Variants in HDAC9 observed in about 807,000 individuals in gnomAD.
HDAC9 encodes the protein histone deacetylase 9, also known as MEF-2 interacting transcription repressor (MITR) protein.
HDAC9 carries 41 observed loss-of-function variants against 139.4 expected under a neutral mutation model. The ratio of observed to expected loss-of-function variants is 0.29; its 90% CI spans 0.23 to 0.38. The LOEUF (loss-of-function observed/expected upper bound fraction) is 0.38. Ranked by LOEUF, HDAC9 falls within the 10% of genes least tolerant of loss-of-function variation. The pLI, the probability that HDAC9 is intolerant of heterozygous loss-of-function variation, is 1.00. For synonymous variants in HDAC9, 517 were observed against 476.2 expected, an observed-to-expected ratio of 1.09 and a Z score of -1.12; for missense variants, 1,147 against 1,297.0, an observed-to-expected ratio of 0.88 and a Z score of 1.78.
chr7:18,284,295 T>G (rs1249756426), intron 2 of HDAC9, among the ~76,000 whole-genome samples: 1 of 152,168 alleles, frequency 6.6e-6, no homozygotes, highest in African/African-American at 2.4e-5. Context: ...TATGTATATA[T>G]TTTTTCATCA....
At chr7:18,723,840 G>T (rs1209005804) in intron 12 of HDAC9, among the ~76,000 whole-genome samples, 1 of 152,074 alleles carries the variant, frequency 6.6e-6, no homozygotes, top group Non-Finnish European at 1.5e-5. Context: ...GATAAAAAAA[G>T]AAACATGGCC....
intron 22 of HDAC9, among the ~76,000 whole-genome samples, chr7:18,919,312 T>G (rs936090295): frequency 6.6e-6 from 1 of 152,018 alleles, no homozygotes. Flanking sequence ...ACCAATATGA[T>G]GGTAACCAGT....
intron 2 of HDAC9, among the ~76,000 whole-genome samples, chr7:18,213,379 T>C (rs754366775): frequency 9.9e-5 from 15 of 152,260 alleles, no homozygotes; most frequent in Non-Finnish European, 1.9e-4. Context: ...TGTAGAAAGA[T>C]GGTTTAGCTA....
chr7:18,832,738 T>C (rs1562972218), intron 19 of HDAC9, among the ~76,000 whole-genome samples: 1 of 151,088 alleles, frequency 6.6e-6, no homozygotes, highest in African/African-American at 2.5e-5. Flanking sequence ...GATATATATA[T>C]ATTTTTTTTT....
At position 18,531,853 on chromosome 7, in the gene HDAC9, G is replaced by A. The variant is rs147319610; in HGVS notation, c.22+35529G>A. 7.9e-3 allele frequency among the ~76,000 whole-genome samples: 1,206 copies of A among 152,118 alleles called. 18 individuals carry two copies. The highest frequency in any genetic ancestry group is 0.027 in the African/African-American group (1,126 of 41,506). ...TAAAGGAAATGTTTAAAAAGTTGAC[G>A]TGTGATGAGAAATGAACTCTTTTAT... On this transcript the variant is annotated intron_variant, in intron 2 of 25. Transcript: ENST00000686413.
intron 2 of HDAC9, among the ~76,000 whole-genome samples, chr7:18,244,282 A>G (rs1433325005): frequency 6.6e-6 from 1 of 152,192 alleles, no homozygotes; most frequent in South Asian, 2.1e-4. Flanking sequence ...GCCAAACACA[A>G]AAACAAAACC....
At chr7:18,875,947 T>C (rs917898487) in intron 22 of HDAC9, among the ~76,000 whole-genome samples, 1 of 152,166 alleles carries the variant, frequency 6.6e-6, no homozygotes, top group South Asian at 2.1e-4. Flanking sequence ...GAAAAGTTGT[T>C]CCTTGCCATT....
chr7:18,322,141 C>T (rs1486708820), intron 1 of HDAC9, among the ~76,000 whole-genome samples: 1 of 152,008 alleles, frequency 6.6e-6, no homozygotes, highest in Non-Finnish European at 1.5e-5. Context: ...TAAAGTAATC[C>T]CTTCTTCACT....
At chr7:18,097,724 C>T (rs1003442182) in intron 1 of HDAC9, among the ~76,000 whole-genome samples, 1 of 152,062 alleles carries the variant, frequency 6.6e-6, no homozygotes, top group Non-Finnish European at 1.5e-5. Context: ...TATACCACCA[C>T]ACCTGGCTAA....
chr7:18,987,143 G>T (rs1785428896), intron 25 of HDAC9, among the ~76,000 whole-genome samples: 1 of 152,218 alleles, frequency 6.6e-6, no homozygotes, highest in African/African-American at 2.4e-5. Context: ...CCTGGCTTGT[G>T]CCAGTGTTCA....
rs554717304 is a variant in HDAC9, at chr7:18,479,465, G to A, written c.-41-16797G>A. On this transcript the variant is annotated intron_variant, in intron 1 of 3. Coordinates refer to the HDAC9 transcript ENST00000413509. The stretch of plus-strand genomic sequence containing the variant: ...ATATTCCACATATGTGGGCCTAATT[G>A]TCGTTGGTCTATTCTGTTCTCTTAC... Among the ~76,000 whole-genome samples, 10 of 152,178 alleles carry A rather than the reference G, an allele frequency of 6.6e-5. No individual in the cohort carries two copies. In the South Asian group the frequency reaches 2.1e-3, roughly 32 times the overall value.
At chr7:18,667,329 A>T in intron 12 of HDAC9, 2 of 984,774 alleles carry the variant, frequency 2.0e-6, no homozygotes, top group Non-Finnish European at 2.4e-6. Flanking sequence ...AACAGGATGA[A>T]TATTATCTGA....
At chr7:18,634,211 TGGAA>T (rs1783194170) in intron 7 of HDAC9, among the ~76,000 whole-genome samples, 1 of 152,052 alleles carries the variant, frequency 6.6e-6, no homozygotes. Context: ...TCAGACCTAA[TGGAA>T]TGGGTCTGAA....
intron 13 of HDAC9, among the ~76,000 whole-genome samples, chr7:18,730,529 C>T (rs1426510041): frequency 2.0e-5 from 3 of 152,126 alleles, no homozygotes; most frequent in African/African-American, 7.2e-5. Context: ...TGCATGGGGG[C>T]TATTCTAAGA....
chr7:18,876,268 C>T (rs1171958550), intron 22 of HDAC9, among the ~76,000 whole-genome samples: 1 of 152,118 alleles, frequency 6.6e-6, no homozygotes, highest in African/African-American at 2.4e-5. Context: ...GGAGAGGAAG[C>T]TCTTCATTGT....
At chr7:18,966,072 G>GT (rs1309935835) in intron 24 of HDAC9, among the ~76,000 whole-genome samples, 3 of 152,184 alleles carry the variant, frequency 2.0e-5, no homozygotes, top group African/African-American at 7.2e-5. Context: ...GGATGGATGT[G>GT]TTACACCTGT....
At chr7:18,309,509 A>G (rs1799159968) in intron 1 of HDAC9, among the ~76,000 whole-genome samples, 1 of 152,184 alleles carries the variant, frequency 6.6e-6, no homozygotes, top group South Asian at 2.1e-4. Context: ...GTTCCCCAAA[A>G]TAACATCCTT....
At chr7:18,435,687 A>G (rs1238439069) in intron 1 of HDAC9, among the ~76,000 whole-genome samples, 2 of 151,292 alleles carry the variant, frequency 1.3e-5, no homozygotes, top group Non-Finnish European at 1.5e-5. Context: ...ATTATTTAGA[A>G]TCAACTTATT....
At chr7:18,370,550 C>A (rs1784517332) in intron 1 of HDAC9, among the ~76,000 whole-genome samples, 1 of 152,098 alleles carries the variant, frequency 6.6e-6, no homozygotes, top group Non-Finnish European at 1.5e-5. Flanking sequence ...CTTTGTTTAG[C>A]AAGCTGAACA....
Sources: gnomAD v4.1 joint callset for allele counts (sites outside exome capture counted in the v4.1 genomes callset) on GRCh38, gnomAD v4.1.1 for gene constraint, MANE v1.5 for transcripts, NCBI Gene and HGNC (gene_info 2026-07-23, HGNC 2026-07-21) for gene names.